PCLO: variants seen among roughly 807,000 people sequenced by gnomAD.
PCLO encodes the protein protein piccolo.
PCLO carries 82 observed loss-of-function variants against 427.5 expected under a neutral mutation model. The observed-to-expected ratio is 0.19, with a 90% CI of 0.16 to 0.23. The LOEUF (loss-of-function observed/expected upper bound fraction) is 0.23, where lower values mean the gene tolerates loss of function less well. Ranked by LOEUF, PCLO falls within the 10% of genes least tolerant of loss-of-function variation. PCLO has a pLI of 1.00. For missense variants in PCLO, 6,239 were observed against 6,115.9 expected, an observed-to-expected ratio of 1.02 and a Z score of -0.67; for synonymous variants, 2,357 against 2,155.4, an observed-to-expected ratio of 1.09 and a Z score of -2.59.
chr7:82,776,813 T>C (rs1040564204), intron 22 of PCLO, among the ~76,000 whole-genome samples: 2 of 55,186 alleles, frequency 3.6e-5, no homozygotes, highest in Admixed American at 1.8e-4. Flanking sequence ...TCTCTCTCTT[T>C]CTCTCTCTCT....
intron 6 of PCLO, among the ~76,000 whole-genome samples, chr7:82,949,147 C>A (rs1172455436): frequency 6.6e-6 from 1 of 151,970 alleles, no homozygotes; most frequent in African/African-American, 2.4e-5. Flanking sequence ...TGGGAGATTT[C>A]GATATAAGAA....
At position 83,162,415 on chromosome 7, in the gene PCLO, T is replaced by G. The variant is rs562460577; in HGVS notation, c.178A>C (p.Met60Leu). Residue 60 changes from methionine (M) to leucine (L), a missense_variant, in exon 1 of 25, where the codon ATG becomes CTG. Met to Leu is a conservative substitution (Grantham distance 15). This residue lies in a region of PCLO where 4,677 missense variants were observed against 4,468.4 expected (regional missense o/e 1.05). Coordinates refer to ENST00000333891, the MANE Select transcript of PCLO (RefSeq NM_033026.6). ...EEERRQIAAV[M>L]SRAQGLPKGS... ...TTGGGCAGCCCCTGCGCCCTTGACA[T>G]GACAGCGGCGATCTGTCTCCTCTCC... 4.8e-5 allele frequency: 76 copies of G among 1,598,116 alleles called. 1 individual carries two copies. The South Asian group carries it at 7.6e-4, about 16-fold the overall frequency.
intron 3 of PCLO, among the ~76,000 whole-genome samples, chr7:83,029,113 A>C (rs193983): frequency 0.97 from 147,003 of 151,398 alleles, 71,414 homozygotes; most frequent in East Asian, 1. Flanking sequence ...CAAATGGGAT[A>C]TAATTAAACT....
In PCLO at chr7:82,845,126, A is replaced by C. The variant is rs1388656013; in HGVS notation, c.14046+145T>G. 1.1e-5 allele frequency: 7 copies of C among 639,332 alleles called. No individual in the cohort carries two copies. The East Asian group carries it at 1.9e-4, about 17-fold the overall frequency. 39.6% of individuals were successfully genotyped at this position (639,332 alleles called of 1,614,324 possible). ...TGATCAGTTTTGTACTCAGAAGAGAAAAAATGTTTCTTGTTTTGATAGATC... is the reference window on the plus strand; with the variant it reads ...TGATCAGTTTTGTACTCAGAAGAGACAAAATGTTTCTTGTTTTGATAGATC... On this transcript the variant is annotated intron_variant, in intron 13 of 24. Coordinates refer to ENST00000333891, the MANE Select transcript of PCLO (RefSeq NM_033026.6).
chr7:82,779,034 G>A (rs113740383), intron 22 of PCLO, among the ~76,000 whole-genome samples: 2,718 of 151,922 alleles, frequency 0.018, 84 homozygotes, highest in African/African-American at 0.059. Flanking sequence ...TTAACTTCTT[G>A]TTAACATATC....
At chr7:83,140,466 A>G (rs138952999) in intron 2 of PCLO, among the ~76,000 whole-genome samples, 5 of 152,296 alleles carry the variant, frequency 3.3e-5, no homozygotes, top group African/African-American at 1.2e-4. Flanking sequence ...GTATCTCCCC[A>G]GACTCAAAAC....
chr7:82,971,106 T>C (rs1795892736), intron 3 of PCLO, among the ~76,000 whole-genome samples: 1 of 151,886 alleles, frequency 6.6e-6, no homozygotes, highest in South Asian at 2.1e-4. Flanking sequence ...ATCTATACTC[T>C]TAGTTCCTAA....
intron 3 of PCLO, among the ~76,000 whole-genome samples, chr7:83,077,611 T>C (rs1280725258): frequency 2.0e-5 from 3 of 152,106 alleles, no homozygotes; most frequent in African/African-American, 7.2e-5. Flanking sequence ...TGCATTATTT[T>C]AGTAATAAAG....
intron 10 of PCLO, among the ~76,000 whole-genome samples, chr7:82,858,426 T>C (rs1372343894): frequency 6.6e-6 from 1 of 151,976 alleles, no homozygotes; most frequent in Non-Finnish European, 1.5e-5. Flanking sequence ...ACTAATTCCA[T>C]CAACATAGTA....
At chr7:82,917,884 T>C (rs1396896308) in intron 6 of PCLO, among the ~76,000 whole-genome samples, 1 of 151,990 alleles carries the variant, frequency 6.6e-6, no homozygotes, top group East Asian at 1.9e-4. Flanking sequence ...TTGTGCCTTA[T>C]TAATTAGATC....
chr7:83,129,930 T>A (rs191554393), intron 3 of PCLO, among the ~76,000 whole-genome samples: 83 of 152,250 alleles, frequency 5.5e-4, no homozygotes, highest in African/African-American at 1.9e-3. Context: ...TAATTGCTCA[T>A]TGAATATTTT....
At chr7:83,126,113 A>AAGCC (rs1791432556) in intron 3 of PCLO, among the ~76,000 whole-genome samples, 1 of 152,176 alleles carries the variant, frequency 6.6e-6, no homozygotes, top group Non-Finnish European at 1.5e-5. Flanking sequence ...TAAGCAAAAT[A>AAGCC]AGCCAGTCAC....
rs529214652 is a variant in PCLO at position 82,766,286 on chromosome 7, G to C, written c.15008-4793C>G. Among the ~76,000 whole-genome samples, 8 of 152,170 alleles carry C rather than the reference G, an allele frequency of 5.3e-5. 1 individual carries two copies. The South Asian group carries it at 1.0e-3, about 20-fold the overall frequency. On this transcript the variant is annotated intron_variant, in intron 22 of 24. Coordinates refer to ENST00000333891, the MANE Select transcript of PCLO (RefSeq NM_033026.6). ...CCCATTACTGGAGCTCCAAGATAAA[G>C]TAGGGGAAATATGTAAAGCTTAGTA...
At chr7:83,000,720 T>C (rs920937022) in intron 3 of PCLO, among the ~76,000 whole-genome samples, 6 of 152,072 alleles carry the variant, frequency 3.9e-5, no homozygotes, top group Admixed American at 2.6e-4. Context: ...CAGGCCAGTC[T>C]GTTACCCAGG....
At chr7:82,945,743 C>T (rs964481632) in intron 6 of PCLO, among the ~76,000 whole-genome samples, 1 of 152,072 alleles carries the variant, frequency 6.6e-6, no homozygotes, top group Non-Finnish European at 1.5e-5. Flanking sequence ...AGTTTATCAC[C>T]ACGTCTGGAA....
intron 3 of PCLO, among the ~76,000 whole-genome samples, chr7:83,059,696 G>A (rs1789496347): frequency 6.6e-6 from 1 of 152,048 alleles, no homozygotes; most frequent in Non-Finnish European, 1.5e-5. Context: ...AAGAGGTGAA[G>A]AGCTATGCCA....
In PCLO at chr7:82,915,889, A is replaced by G. The variant is rs767192175; in HGVS notation, c.12097T>C (p.Ser4033Pro). The G allele has an allele frequency of 6.2e-7, 1 of 1,613,500 alleles. No individual in the cohort carries two copies. The highest frequency in any genetic ancestry group is 2.2e-5 in the East Asian group (1 of 44,844). Residue 4033 changes from serine to proline, a missense_variant, in exon 7 of 25, where the codon TCT (serine) becomes CCT (proline). Ser to Pro is a moderately conservative substitution (Grantham distance 74). Coordinates refer to ENST00000333891, the MANE Select transcript of PCLO (RefSeq NM_033026.6). ...TGGTGATCAATATCTGCATAGAAAG[A>G]ATCTGCAGATATGCTTGATATTGGA... is the stretch of plus-strand genomic sequence containing the variant. ...SSPISSISAD[S>P]FYADIDHHTP... is the part of the protein sequence containing the mutation.
At chr7:82,794,856 G>A (rs960974222) in intron 22 of PCLO, among the ~76,000 whole-genome samples, 1 of 151,902 alleles carries the variant, frequency 6.6e-6, no homozygotes, top group African/African-American at 2.4e-5. Context: ...TTAGTATAGT[G>A]ATCATTTAGT....
At chr7:82,803,344 T>C (rs1034827935) in intron 21 of PCLO, among the ~76,000 whole-genome samples, 1 of 152,126 alleles carries the variant, frequency 6.6e-6, no homozygotes, top group Admixed American at 6.5e-5. Flanking sequence ...AATATTCTTA[T>C]ACTATCCCAG....
Sources: allele counts gnomAD v4.1 joint callset (sites outside exome capture counted in the v4.1 genomes callset), GRCh38; gene constraint gnomAD v4.1.1; regional missense constraint gnomAD v4.1.1; transcripts MANE v1.5; gene names NCBI Gene and HGNC (gene_info 2026-07-23, HGNC 2026-07-21).